ATP2B2: variants seen among roughly 807,000 people sequenced by gnomAD.
ATP2B2 encodes ATPase plasma membrane Ca2+ transporting 2.
ATP2B2 carries 15 observed loss-of-function variants against 120.0 expected under a neutral mutation model. The ratio of observed to expected loss-of-function variants is 0.12; its 90% CI spans 0.08 to 0.19. The LOEUF (loss-of-function observed/expected upper bound fraction) is 0.19. Among genes scored for constraint, ATP2B2 ranks in the 10% least tolerant of loss-of-function variants. The pLI, the probability that ATP2B2 is intolerant of heterozygous loss-of-function variation, is 1.00. For synonymous variants in ATP2B2, 694 were observed against 700.3 expected (o/e 0.99, Z 0.14); for missense variants, 1,045 against 1,719.8 (o/e 0.61, Z 6.94).
intron 1 of ATP2B2, among the ~76,000 whole-genome samples, chr3:10,489,553 G>A (rs2065857437): frequency 6.6e-6 from 1 of 152,158 alleles, no homozygotes; most frequent in Admixed American, 6.5e-5. Context: ...GGGATTCATG[G>A]TTTTTTCTGA....
chr3:10,474,740 T>G (rs569811335), intron 1 of ATP2B2, among the ~76,000 whole-genome samples: 2 of 152,364 alleles, frequency 1.3e-5, no homozygotes, highest in East Asian at 3.9e-4. Context: ...GCCCAGGCAG[T>G]TCCCCTGCCA....
At chr3:10,492,754 AC>A (rs2065982339) in intron 1 of ATP2B2, among the ~76,000 whole-genome samples, 1 of 151,960 alleles carries the variant, frequency 6.6e-6, no homozygotes, top group Non-Finnish European at 1.5e-5. Flanking sequence ...TTTCTAGGCA[AC>A]CTCTCCACTG....
At chr3:10,353,486 C>T (rs1365217239) in intron 14 of ATP2B2, among the ~76,000 whole-genome samples, 2 of 152,150 alleles carry the variant, frequency 1.3e-5, no homozygotes, top group Non-Finnish European at 2.9e-5. Flanking sequence ...TATGAACGGG[C>T]CTGAGGGCCA....
At chr3:10,569,884 C>T (rs1391551417) in intron 2 of ATP2B2, among the ~76,000 whole-genome samples, 1 of 152,198 alleles carries the variant, frequency 6.6e-6, no homozygotes, top group African/African-American at 2.4e-5. Flanking sequence ...CTAACACAGA[C>T]TGGGATACCT....
upstream of ATP2B2, among the ~76,000 whole-genome samples, chr3:10,506,642 C>T (rs2066636512): frequency 6.6e-6 from 1 of 151,858 alleles, no homozygotes; most frequent in African/African-American, 2.4e-5. Flanking sequence ...GCCCTGCCCC[C>T]TCCAGGAGGG....
chr3:10,375,627 T>G lies in ATP2B2; in HGVS notation c.1219A>C (p.Ile407Leu), dbSNP rs1410901563. 1 of 1,613,714 alleles carries G rather than the reference T, an allele frequency of 6.2e-7. No homozygotes were observed. ...TAGAGCACCAGGATGATCACCGTGATGGCTGACATCACCAAGCCTGCAATG... is the reference window on the plus strand; with the variant it reads ...TAGAGCACCAGGATGATCACCGTGAGGGCTGACATCACCAAGCCTGCAATG... Reference protein sequence around the residue: ...IGKAGLVMSAITVIILVLYFT... With the variant: ...IGKAGLVMSALTVIILVLYFT... The change falls in exon 11 of 23, where the codon ATC becomes CTC. Residue 407 changes from isoleucine to leucine, a missense_variant. By Grantham distance (5) the Ile-to-Leu change is conservative. Transcript: ENST00000360273. The surrounding 1 kb of genome is among the most constrained non-coding windows in gnomAD (Gnocchi z 4.2).
At chr3:10,619,296 G>A (rs929835547) in intron 2 of ATP2B2, among the ~76,000 whole-genome samples, 1 of 152,112 alleles carries the variant, frequency 6.6e-6, no homozygotes, top group Non-Finnish European at 1.5e-5. Flanking sequence ...AAAGACTGTG[G>A]TCCCAGAGCC....
intron 3 of ATP2B2, among the ~76,000 whole-genome samples, chr3:10,512,247 A>G (rs2066775876): frequency 6.6e-6 from 1 of 152,072 alleles, no homozygotes; most frequent in South Asian, 2.1e-4. Context: ...GAGGATTCCT[A>G]GAGCAGAGGG....
intron 5 of ATP2B2, 100 bp downstream of exon 5, chr3:10,400,853 G>A (rs1174872723): frequency 1.9e-6 from 3 of 1,562,676 alleles, no homozygotes; most frequent in Non-Finnish European, 2.6e-6. Flanking sequence ...CCAGAGCCAA[G>A]GATCAAAGTC....
At chr3:10,404,872 G>A (rs1262379262) in intron 3 of ATP2B2, among the ~76,000 whole-genome samples, 1 of 152,188 alleles carries the variant, frequency 6.6e-6, no homozygotes, top group Non-Finnish European at 1.5e-5. Flanking sequence ...AGAGCCCCAT[G>A]CTGCATTTTA....
At chr3:10,608,032 A>G (rs1244921889) in intron 2 of ATP2B2, among the ~76,000 whole-genome samples, 1 of 152,186 alleles carries the variant, frequency 6.6e-6, no homozygotes, top group Non-Finnish European at 1.5e-5. Context: ...CTTTGAAATC[A>G]TCCCTGACAC....
Position 10,375,683 on chromosome 3 carries a change from A to G in ATP2B2, c.1202-39T>C. The G allele has an allele frequency of 6.3e-7, 1 of 1,590,528 alleles. No individual in the cohort carries two copies. Among genetic ancestry groups the G allele is most frequent in the Non-Finnish European group, 8.6e-7 (1 of 1,160,836 alleles). On this transcript the variant is annotated intron_variant, in intron 10 of 22. Transcript: ENST00000360273. The surrounding 1 kb of genome is among the most constrained non-coding windows in gnomAD (Gnocchi z 4.2). ...GACACATGCTTGGGGGGTTCCAGGA[A>G]GTGGAGGCTGGGGGTGGTGTGGACC... is the stretch of plus-strand genomic sequence containing the variant.
chr3:10,399,871 C>A (rs1214113513), intron 5 of ATP2B2, among the ~76,000 whole-genome samples: 3 of 152,256 alleles, frequency 2.0e-5, no homozygotes, highest in Non-Finnish European at 4.4e-5. Context: ...AGCTCTGCTC[C>A]TTCCTTGGCT....
chr3:10,437,449 G>A (rs1284510844), intron 2 of ATP2B2, among the ~76,000 whole-genome samples: 1 of 152,144 alleles, frequency 6.6e-6, no homozygotes, highest in Non-Finnish European at 1.5e-5. Context: ...CATAGCTAGT[G>A]GGTGGCAAAG....
chr3:10,673,678 T>G (rs2071171513), intron 1 of ATP2B2, among the ~76,000 whole-genome samples: 1 of 151,876 alleles, frequency 6.6e-6, no homozygotes, highest in Non-Finnish European at 1.5e-5. Flanking sequence ...GGCATGTACC[T>G]GTAGCCCCAG....
At chr3:10,597,002 C>T (rs2068781515) in intron 2 of ATP2B2, among the ~76,000 whole-genome samples, 1 of 150,370 alleles carries the variant, frequency 6.7e-6, no homozygotes, top group Admixed American at 6.6e-5. Context: ...TGCACACGCA[C>T]ACAGGCACAC....
At chr3:10,701,220 A>C (rs2071812833) in intron 1 of ATP2B2, among the ~76,000 whole-genome samples, 1 of 152,170 alleles carries the variant, frequency 6.6e-6, no homozygotes, top group Non-Finnish European at 1.5e-5. Context: ...CGTTGGAGAA[A>C]TTCCATTCAA....
At chr3:10,418,705 G>T (rs1409789288) in intron 2 of ATP2B2, among the ~76,000 whole-genome samples, 1 of 152,208 alleles carries the variant, frequency 6.6e-6, no homozygotes, top group East Asian at 1.9e-4. Flanking sequence ...ATATTCAGGG[G>T]CACTGTCTGG....
At chr3:10,510,286 C>T (rs1294259485), upstream of ATP2B2, among the ~76,000 whole-genome samples, 2 of 152,208 alleles carry the variant, frequency 1.3e-5, no homozygotes, top group African/African-American at 4.8e-5. Context: ...GCACACACCT[C>T]GTGTGTTCCT....
Sources: allele counts gnomAD v4.1 joint callset (sites outside exome capture counted in the v4.1 genomes callset), GRCh38; gene constraint gnomAD v4.1.1; non-coding constraint Gnocchi (gnomAD v3.1); transcripts MANE v1.5; gene names NCBI Gene and HGNC (gene_info 2026-07-23, HGNC 2026-07-21).